Variants in PLXNC1 observed in about 807,000 individuals in gnomAD.
The protein encoded by PLXNC1 is plexin-C1.
Under a neutral mutation model 178.2 loss-of-function variants are expected in PLXNC1, and 75 were observed. The observed-to-expected ratio is 0.42, with a 90% CI of 0.35 to 0.51. The LOEUF (loss-of-function observed/expected upper bound fraction) is 0.51, where lower values mean the gene tolerates loss of function less well. PLXNC1 is among the 20% of genes least tolerant of loss of function. The pLI is 0.02. For synonymous variants in PLXNC1, 790 were observed against 779.9 expected, an observed-to-expected ratio of 1.01 and a Z score of -0.22; for missense variants, 1,503 against 1,984.4, an observed-to-expected ratio of 0.76 and a Z score of 4.61.
chr12:94,186,536 T>C, intron 4 of PLXNC1, 63 bp downstream of exon 4: 2 of 1,024,966 alleles, frequency 2.0e-6, no homozygotes, highest in Non-Finnish European at 1.5e-6. Flanking sequence ...GGCAGAACAC[T>C]TGTTGCCCTA....
At position 94,149,852 on chromosome 12, in the gene PLXNC1, T is replaced by C; in HGVS notation, c.881T>C (p.Leu294Pro). ...GGCCACCCCGACGGCCGCCGCCTGC[T>C]CCTCTCCTCCAGCCTAGTGGAGGCC... Reference protein sequence around the residue: ...GHGHPDGRRLLLSSSLVEALD... With the variant: ...GHGHPDGRRLPLSSSLVEALD... Residue 294 changes from leucine to proline, a missense_variant, in exon 1 of 31, where the codon CTC becomes CCC. Around this residue, in one of 4 missense-constraint regions of PLXNC1, gnomAD observed 615 missense variants for 698.6 expected, o/e 0.88. Transcript: ENST00000258526. 1 of 1,587,540 alleles carries C rather than the reference T, an allele frequency of 6.3e-7. No homozygotes were observed. The highest frequency in any genetic ancestry group is 8.6e-7 in the Non-Finnish European group (1 of 1,167,642).
At chr12:94,181,400 A>T (rs1375659438) in intron 2 of PLXNC1, 46 bp from the exon 3 acceptor site, 3 of 1,277,090 alleles carry the variant, frequency 2.3e-6, no homozygotes, top group African/African-American at 1.5e-5. Context: ...AAAAAAAAAA[A>T]GTATTAAATA....
At chr12:94,154,020 C>T (rs1446561814) in intron 1 of PLXNC1, among the ~76,000 whole-genome samples, 1 of 152,206 alleles carries the variant, frequency 6.6e-6, no homozygotes, top group Non-Finnish European at 1.5e-5. Context: ...ATTTTACCCT[C>T]ATATACACAT....
At chr12:94,254,027 G>A (rs1964773498) in intron 15 of PLXNC1, among the ~76,000 whole-genome samples, 1 of 152,160 alleles carries the variant, frequency 6.6e-6, no homozygotes, top group South Asian at 2.1e-4. Flanking sequence ...GTGGTTGATT[G>A]TTGAATACCT....
At chr12:94,196,139 G>C (rs1962905135) in intron 4 of PLXNC1, among the ~76,000 whole-genome samples, 1 of 152,198 alleles carries the variant, frequency 6.6e-6, no homozygotes, top group Non-Finnish European at 1.5e-5. Flanking sequence ...AGTAGCCTGA[G>C]TTAGTCTGTT....
intron 23 of PLXNC1, among the ~76,000 whole-genome samples, chr12:94,288,525 T>C (rs1364917227): frequency 6.6e-6 from 1 of 152,212 alleles, no homozygotes; most frequent in Non-Finnish European, 1.5e-5. Context: ...GCAGGAGCCC[T>C]GTGGCATTTT....
chr12:94,289,372 C>T (rs528184421), intron 23 of PLXNC1, among the ~76,000 whole-genome samples: 15 of 152,336 alleles, frequency 9.8e-5, no homozygotes, highest in Admixed American at 2.6e-4. Context: ...CTTGTTGTCA[C>T]ATCGAATCCT....
At chr12:94,228,228 G>A (rs565509384) in intron 9 of PLXNC1, among the ~76,000 whole-genome samples, 4 of 152,188 alleles carry the variant, frequency 2.6e-5, no homozygotes, top group Admixed American at 2.0e-4. Flanking sequence ...TGATGCTCAG[G>A]TATCTCCAGA....
chr12:94,205,295 A>T (rs1565809043), intron 4 of PLXNC1, among the ~76,000 whole-genome samples: 1 of 152,232 alleles, frequency 6.6e-6, no homozygotes, highest in Non-Finnish European at 1.5e-5. Flanking sequence ...TACTGTAATA[A>T]TAAATTTAAA....
At chr12:94,291,958 C>T (rs1364473448) in intron 23 of PLXNC1, among the ~76,000 whole-genome samples, 1 of 152,182 alleles carries the variant, frequency 6.6e-6, no homozygotes, top group African/African-American at 2.4e-5. Context: ...TCTTTATAGA[C>T]ACTTCATATC....
chr12:94,233,602 A>G (rs1442242376), intron 9 of PLXNC1, among the ~76,000 whole-genome samples: 2 of 152,202 alleles, frequency 1.3e-5, no homozygotes, highest in Non-Finnish European at 2.9e-5. Context: ...GTCCAGAGGC[A>G]CTGCTCACTA....
chr12:94,303,661 C>CAGCT (rs1968692004), intron 28 of PLXNC1, 95 bp from the exon 29 acceptor site: 1 of 1,109,426 alleles, frequency 9.0e-7, no homozygotes. Flanking sequence ...GGTGGGGGTT[C>CAGCT]AGCTACATTG....
intron 27 of PLXNC1, among the ~76,000 whole-genome samples, chr12:94,300,552 G>C (rs938003709): frequency 1.3e-5 from 2 of 152,208 alleles, no homozygotes; most frequent in African/African-American, 4.8e-5. Flanking sequence ...GCAGAGGAGA[G>C]ACATGGTCTG....
chr12:94,243,301 G>A (rs1247855578), intron 11 of PLXNC1, among the ~76,000 whole-genome samples: 1 of 152,240 alleles, frequency 6.6e-6, no homozygotes, highest in Admixed American at 6.5e-5. Context: ...GGGTGCAAGG[G>A]CAGACAGAGC....
At chr12:94,174,501 A>G (rs1230818473) in intron 2 of PLXNC1, among the ~76,000 whole-genome samples, 1 of 152,190 alleles carries the variant, frequency 6.6e-6, no homozygotes, top group Non-Finnish European at 1.5e-5. Context: ...TCGTTTATTC[A>G]AATCACAGCA....
chr12:94,291,609 G>A (rs1221119579), intron 23 of PLXNC1, among the ~76,000 whole-genome samples: 4 of 152,096 alleles, frequency 2.6e-5, no homozygotes, highest in South Asian at 2.1e-4. Context: ...TTATAGAATT[G>A]AGCAACCATT....
At chr12:94,209,409 G>A (rs973434918) in intron 4 of PLXNC1, among the ~76,000 whole-genome samples, 181 bp from the exon 5 acceptor site, 2 of 152,176 alleles carry the variant, frequency 1.3e-5, no homozygotes, top group Non-Finnish European at 2.9e-5. Flanking sequence ...CTGTTTTCTT[G>A]TTGCTTTTCA....
chr12:94,295,623 TATC>T (rs1324959210), intron 24 of PLXNC1, among the ~76,000 whole-genome samples: 3 of 152,160 alleles, frequency 2.0e-5, no homozygotes, highest in African/African-American at 7.2e-5. Context: ...ACCTCTGTCC[TATC>T]ATCAGCCCCT....
At chr12:94,250,310 T>A (rs1964645719) in intron 14 of PLXNC1, among the ~76,000 whole-genome samples, 3 of 152,172 alleles carry the variant, frequency 2.0e-5, no homozygotes, top group African/African-American at 4.8e-5. Flanking sequence ...CGCCATGAGC[T>A]GACTTATTCA....
Sources: gnomAD v4.1 joint callset for allele counts (sites outside exome capture counted in the v4.1 genomes callset) on GRCh38, gnomAD v4.1.1 for gene constraint, gnomAD v4.1.1 regional missense constraint, MANE v1.5 for transcripts, NCBI Gene and HGNC (gene_info 2026-07-23, HGNC 2026-07-21) for gene names.